The following SLIT3 variants were observed in gnomAD, a reference collection of about 807,000 sequenced individuals.
The protein encoded by SLIT3 is slit guidance ligand 3.
In SLIT3, 68 loss-of-function variants were observed where a neutral mutation model predicts 184.0. The ratio of observed to expected loss-of-function variants is 0.37; its 90% CI spans 0.30 to 0.45. The LOEUF (loss-of-function observed/expected upper bound fraction) is 0.45, where lower values mean the gene tolerates loss of function less well. SLIT3 is among the 20% of genes least tolerant of loss of function. The pLI, the probability that SLIT3 is intolerant of heterozygous loss-of-function variation, is 1.00. For missense variants in SLIT3, 1,707 were observed against 2,026.0 expected (o/e 0.84, Z 3.02); for synonymous variants, 831 against 828.6 (o/e 1.00, Z -0.05).
chr5:169,178,573 C>T (rs558358358), intron 4 of SLIT3, among the ~76,000 whole-genome samples: 1 of 152,278 alleles, frequency 6.6e-6, no homozygotes, highest in East Asian at 1.9e-4. Flanking sequence ...CTGAGATATA[C>T]CGCACCCCAC....
chr5:168,782,652 G>C (rs958210794), intron 12 of SLIT3, among the ~76,000 whole-genome samples: 4 of 152,144 alleles, frequency 2.6e-5, no homozygotes, highest in African/African-American at 7.2e-5. Flanking sequence ...CCTGGAGTTG[G>C]GATCATGTGC....
chr5:168,877,990 C>A (rs1759798805), intron 5 of SLIT3, among the ~76,000 whole-genome samples: 1 of 152,072 alleles, frequency 6.6e-6, no homozygotes, highest in Non-Finnish European at 1.5e-5. Context: ...TCCGTGATTT[C>A]TTTTTCTTTC....
chr5:168,756,089 C>T (rs143100414), intron 16 of SLIT3, among the ~76,000 whole-genome samples: 396 of 152,324 alleles, frequency 2.6e-3, no homozygotes, highest in Non-Finnish European at 4.2e-3. Context: ...GGAGGTGGAG[C>T]CCGTGAACTC....
intron 4 of SLIT3, among the ~76,000 whole-genome samples, chr5:168,890,075 G>A (rs1760387797): frequency 1.3e-5 from 2 of 150,846 alleles, no homozygotes; most frequent in Admixed American, 1.3e-4. Flanking sequence ...GGGAGCGGGA[G>A]GTTGCAGTGA....
intron 12 of SLIT3, among the ~76,000 whole-genome samples, chr5:168,779,930 T>C (rs1293177463): frequency 1.3e-5 from 2 of 152,174 alleles, no homozygotes; most frequent in African/African-American, 4.8e-5. Context: ...AAAAGCCCCA[T>C]GGGGAGAAGA....
rs754398981 is a variant in SLIT3 at position 168,685,909 on chromosome 5, G to T, written c.3333C>A (p.His1111Gln). 121 of 1,612,294 alleles carry T rather than the reference G, an allele frequency of 7.5e-5. No individual in the cohort carries two copies. Among genetic ancestry groups the T allele is most frequent in the Non-Finnish European group, 9.7e-5 (114 of 1,179,420 alleles). ...PQGFSGPFCE[H>Q]PPPMVLLQTS... Reference sequence around the variant, plus strand: ...TCTGCAGTAGGACCATGGGTGGGGGGTGTTCACAGAAGGGTCCACTGGAAG... The same window carrying T: ...TCTGCAGTAGGACCATGGGTGGGGGTTGTTCACAGAAGGGTCCACTGGAAG... The change falls in exon 31 of 36, where the codon CAC becomes CAA. Residue 1111 changes from histidine (H) to glutamine (Q), a missense_variant. By Grantham distance (24) the His-to-Gln change is conservative. Around this residue, in one of 3 missense-constraint regions of SLIT3, gnomAD observed 1,307 missense variants for 1,511.6 expected, o/e 0.86. Transcript: ENST00000519560.
At chr5:168,835,672 G>A (rs1293748954) in intron 6 of SLIT3, among the ~76,000 whole-genome samples, 2 of 151,956 alleles carry the variant, frequency 1.3e-5, no homozygotes, top group African/African-American at 4.8e-5. Context: ...TTAGCCAGAC[G>A]TGGTGGCTGG....
chr5:168,936,203 C>T (rs1382765867), intron 4 of SLIT3, among the ~76,000 whole-genome samples: 1 of 152,158 alleles, frequency 6.6e-6, no homozygotes, highest in African/African-American at 2.4e-5. Flanking sequence ...AGACCAAATG[C>T]TGCACCAGCT....
intron 4 of SLIT3, among the ~76,000 whole-genome samples, chr5:169,004,680 C>T (rs1029032403): frequency 6.6e-5 from 10 of 152,076 alleles, no homozygotes; most frequent in Admixed American, 3.9e-4. Context: ...AGCCTAACCA[C>T]CAAGACGATG....
At chr5:169,039,186 A>G (rs1044292589) in intron 4 of SLIT3, among the ~76,000 whole-genome samples, 1 of 152,188 alleles carries the variant, frequency 6.6e-6, no homozygotes, top group Non-Finnish European at 1.5e-5. Context: ...GCACACCAAG[A>G]TAACCACAAA....
At chr5:168,695,958 T>C (rs1011810266) in intron 28 of SLIT3, among the ~76,000 whole-genome samples, 3 of 152,162 alleles carry the variant, frequency 2.0e-5, no homozygotes, top group African/African-American at 7.2e-5. Flanking sequence ...GAAGGAAGCA[T>C]AAACACAATG....
chr5:168,729,516 T>G (rs1169196679), intron 20 of SLIT3, among the ~76,000 whole-genome samples: 1 of 148,932 alleles, frequency 6.7e-6, no homozygotes, highest in Non-Finnish European at 1.5e-5. Context: ...AAAAAAAAAC[T>G]GTCAGCCCAG....
rs1260481453 is a variant in SLIT3 at position 168,884,549 on chromosome 5, G to GACATATATATATAT, written c.414-1214_414-1213insATATATATATATGT. The stretch of plus-strand genomic sequence containing the variant: ...ATCTAACTACTGCTACCAATTACGA[G>GACATATATATATAT]ATATATATATATATATATATATATA... On this transcript the variant is annotated intron_variant, in intron 4 of 35. Coordinates refer to ENST00000519560, the MANE Select transcript of SLIT3 (RefSeq NM_003062.4). Among the ~76,000 whole-genome samples, 3 of 41,152 alleles carry GACATATATATATAT rather than the reference G, an allele frequency of 7.3e-5. 1 individual carries two copies. Among genetic ancestry groups the GACATATATATATAT allele is most frequent in the African/African-American group, 3.3e-4 (3 of 9,092 alleles). 27.0% of individuals were successfully genotyped at this position (41,152 alleles called of 152,430 possible).
chr5:168,711,270 T>G (rs1435480394), intron 24 of SLIT3, among the ~76,000 whole-genome samples: 1 of 152,190 alleles, frequency 6.6e-6, no homozygotes, highest in Non-Finnish European at 1.5e-5. Context: ...TCCCAGCCCC[T>G]TCCACTTCTG....
intron 3 of SLIT3, among the ~76,000 whole-genome samples, chr5:169,202,289 ATCCT>A (rs1410993393): frequency 6.6e-6 from 1 of 152,098 alleles, no homozygotes; most frequent in Non-Finnish European, 1.5e-5. Context: ...CCATCTATCC[ATCCT>A]TCCTTCCTTT....
intron 4 of SLIT3, among the ~76,000 whole-genome samples, chr5:168,905,893 C>T (rs1442078509): frequency 6.6e-6 from 1 of 152,142 alleles, no homozygotes; most frequent in Non-Finnish European, 1.5e-5. Context: ...AAGGTGGTAT[C>T]TCCCTGATTT....
intron 6 of SLIT3, among the ~76,000 whole-genome samples, chr5:168,829,058 C>T (rs1757799138): frequency 6.6e-6 from 1 of 152,146 alleles, no homozygotes. Flanking sequence ...TCCACTGTTC[C>T]CTTCTGAGTG....
chr5:169,236,466 GTGTTT>G (rs1291332480), intron 3 of SLIT3, among the ~76,000 whole-genome samples: 9 of 127,884 alleles, frequency 7.0e-5, no homozygotes, highest in African/African-American at 1.8e-4. Flanking sequence ...AGCAAGAAAA[GTGTTT>G]TGTTTTGTTT....
At chr5:169,064,405 CTATAA>C (rs1758279394) in intron 4 of SLIT3, among the ~76,000 whole-genome samples, 1 of 152,148 alleles carries the variant, frequency 6.6e-6, no homozygotes, top group Non-Finnish European at 1.5e-5. Flanking sequence ...GTGTGAGGCC[CTATAA>C]TATGCCAGTA....
Sources: gnomAD v4.1 joint callset for allele counts (sites outside exome capture counted in the v4.1 genomes callset) on GRCh38, gnomAD v4.1.1 for gene constraint, gnomAD v4.1.1 regional missense constraint, MANE v1.5 for transcripts, NCBI Gene and HGNC (gene_info 2026-07-23, HGNC 2026-07-21) for gene names.